Variants in TET2 observed in about 807,000 individuals in gnomAD.
TET2 encodes methylcytosine dioxygenase TET2.
In TET2, 299 loss-of-function variants were observed where a neutral mutation model predicts 142.9. The observed-to-expected ratio is 2.09, with a 90% CI of 1.90 to 2.30. The LOEUF (loss-of-function observed/expected upper bound fraction) is 2.30. TET2 is among the 30% of genes most tolerant of loss of function. The pLI, the probability that TET2 is intolerant of heterozygous loss-of-function variation, is 0.00. For missense variants in TET2, 2,418 were observed against 2,378.0 expected (o/e 1.02, Z -0.35); for synonymous variants, 819 against 849.0 (o/e 0.96, Z 0.61).
chr4:105,254,727 T>C (rs1309404091), intron 6 of TET2, among the ~76,000 whole-genome samples: 2 of 152,174 alleles, frequency 1.3e-5, no homozygotes, highest in Non-Finnish European at 2.9e-5. Context: ...GGCAGAACTT[T>C]TTAGGAACAA....
At chr4:105,166,505 A>G (rs1279073083) in intron 1 of TET2, among the ~76,000 whole-genome samples, 1 of 151,700 alleles carries the variant, frequency 6.6e-6, no homozygotes, top group Admixed American at 6.6e-5. Flanking sequence ...GTTCTAATTT[A>G]GAGTTTCTTC....
intron 2 of TET2, among the ~76,000 whole-genome samples, chr4:105,195,082 C>T (rs1256474962): frequency 6.6e-6 from 1 of 152,134 alleles, no homozygotes; most frequent in Non-Finnish European, 1.5e-5. Context: ...TGCATATCCA[C>T]ATATGATGTG....
intron 9 of TET2, among the ~76,000 whole-genome samples, 185 bp from the exon 10 acceptor site, chr4:105,272,379 A>C (rs565115548): frequency 1.3e-5 from 2 of 152,212 alleles, no homozygotes; most frequent in East Asian, 3.9e-4. Context: ...ATCTCCCTGT[A>C]CCATTTTGTT....
At chr4:105,154,485 G>A (rs976924807) in intron 1 of TET2, among the ~76,000 whole-genome samples, 4 of 152,178 alleles carry the variant, frequency 2.6e-5, no homozygotes, top group African/African-American at 4.8e-5. Flanking sequence ...AGGCCAAGGC[G>A]GGAGACCAGA....
Position 105,259,708 on chromosome 4 carries a change from G to C in TET2, c.3893G>C (p.Cys1298Ser). The C allele has an allele frequency of 6.4e-7, 1 of 1,551,130 alleles. No individual in the cohort carries two copies. The highest frequency in any genetic ancestry group is 8.7e-7 in the Non-Finnish European group (1 of 1,146,586). Residue 1298 changes from cysteine to serine, a missense_variant, in exon 7 of 11, where the codon TGT (cysteine) becomes TCT (serine). Cys to Ser is a moderately radical substitution (Grantham distance 112). Coordinates refer to ENST00000380013, the MANE Select transcript of TET2 (RefSeq NM_001127208.3). ...TCATGGAGCATGTACTACAATGGATGTAAGTTTGCCAGAAGCAAGATCCCA... is the reference window on the plus strand; with the variant it reads ...TCATGGAGCATGTACTACAATGGATCTAAGTTTGCCAGAAGCAAGATCCCA... ...GCSWSMYYNGCKFARSKIPRK... is the reference protein window; with the variant it reads ...GCSWSMYYNGSKFARSKIPRK...
intron 1 of TET2, among the ~76,000 whole-genome samples, chr4:105,175,719 G>A (rs527892317): frequency 2.6e-5 from 4 of 152,054 alleles, no homozygotes; most frequent in Non-Finnish European, 5.9e-5. Flanking sequence ...TCTCCAGAGA[G>A]CTCAAAGAAC....
Position 105,236,082 on chromosome 4 carries a change from T to A in TET2, c.2140T>A (p.Ser714Thr). Residue 714 changes from serine (S) to threonine (T), a missense_variant, in exon 3 of 11, where the codon TCA becomes ACA. Physicochemically the swap from Ser to Thr is moderately conservative, Grantham distance 58 (BLOSUM62 1). Coordinates refer to ENST00000380013, the MANE Select transcript of TET2 (RefSeq NM_001127208.3). ...ACAGGCTTCAGAGACTGAGCCATTTTCAAACTCACACCTTTTGCAACATAA... is the reference window on the plus strand; with the variant it reads ...ACAGGCTTCAGAGACTGAGCCATTTACAAACTCACACCTTTTGCAACATAA... ...NQQASETEPFSNSHLLQHKPH... is the reference protein window; with the variant it reads ...NQQASETEPFTNSHLLQHKPH... 1.9e-6 allele frequency: 3 copies of A among 1,614,184 alleles called. No homozygotes were observed. The highest frequency in any genetic ancestry group is 2.5e-6 in the Non-Finnish European group (3 of 1,180,024).
chr4:105,248,995 CTTTTTCTTTTTTTT>C (rs1560556999), intron 6 of TET2, among the ~76,000 whole-genome samples: 1 of 134,622 alleles, frequency 7.4e-6, no homozygotes, highest in East Asian at 2.2e-4. Context: ...TACCTTTTTT[CTTTTTCTTTTTTTT>C]TTTTTTGTCC....
rs1249509691 is a variant in TET2, at chr4:105,237,307, C to A, written c.3365C>A (p.Thr1122Lys). ...ACTCCTATAAAAAATTTATTGGATA[C>A]ACCTGTCAAGACTCAATATGATTTC... ...LDTPIKNLLD[T>K]PVKTQYDFPS... Residue 1122 changes from threonine to lysine, a missense_variant, in exon 3 of 11, where the codon ACA (threonine) becomes AAA (lysine). Thr to Lys is a moderately conservative substitution (Grantham distance 78). Coordinates refer to ENST00000380013, the MANE Select transcript of TET2 (RefSeq NM_001127208.3). 10 of 1,614,102 alleles carry A rather than the reference C, an allele frequency of 6.2e-6. No homozygotes were observed. The highest frequency in any genetic ancestry group is 1.1e-5 in the South Asian group (1 of 91,086).
At chr4:105,153,920 G>A (rs796378542) in intron 1 of TET2, among the ~76,000 whole-genome samples, 9 of 152,292 alleles carry the variant, frequency 5.9e-5, no homozygotes, top group African/African-American at 2.2e-4. Flanking sequence ...TGTCTATCAT[G>A]TCATGAGTGA....
In TET2 at chr4:105,234,812, A is replaced by T; in HGVS notation, c.870A>T (p.Ala290=). Residue 290 remains alanine, a synonymous_variant, in exon 3 of 11, where the codon GCA becomes GCT. Coordinates refer to ENST00000380013, the MANE Select transcript of TET2 (RefSeq NM_001127208.3). Reference sequence around the variant, plus strand: ...CTGAGCTGCCTCCAAAGCCAGCTGCAGTGGTGAGTGAGGCCTGTGATGCTG... The same window carrying T: ...CTGAGCTGCCTCCAAAGCCAGCTGCTGTGGTGAGTGAGGCCTGTGATGCTG... ...SNSELPPKPA[A]VVSEACDADD... 6.2e-7 allele frequency: 1 copy of T among 1,613,972 alleles called. No homozygotes were observed. Among genetic ancestry groups the T allele is most frequent in the Non-Finnish European group, 8.5e-7 (1 of 1,179,968 alleles).
chr4:105,163,854 A>AGTGTGTGTGTGT (rs111673454), intron 1 of TET2, among the ~76,000 whole-genome samples: 6 of 85,166 alleles, frequency 7.0e-5, no homozygotes, highest in South Asian at 4.7e-4. Flanking sequence ...AGAGAGAGAG[A>AGTGTGTGTGTGT]GTGTGTGTGT....
At position 105,236,157 on chromosome 4, in the gene TET2, C is replaced by T. The variant is rs1728879420; in HGVS notation, c.2215C>T (p.Pro739Ser). ...ACAACCATCCCAGAGTTCACATCTCCCTCAAAACCAGCAACAGCAGCAAAA... is the reference window on the plus strand; with the variant it reads ...ACAACCATCCCAGAGTTCACATCTCTCTCAAAACCAGCAACAGCAGCAAAA... ...QTQPSQSSHL[P>S]QNQQQQQKLQ... Residue 739 changes from proline to serine, a missense_variant, in exon 3 of 11, where the codon CCT becomes TCT. Pro to Ser is a moderately conservative substitution (Grantham distance 74). Transcript: ENST00000380013. 6.2e-7 allele frequency: 1 copy of T among 1,614,046 alleles called. No homozygotes were observed. The highest frequency in any genetic ancestry group is 8.5e-7 in the Non-Finnish European group (1 of 1,180,012).
At chr4:105,201,732 C>A (rs559000046) in intron 2 of TET2, among the ~76,000 whole-genome samples, 14 of 63,050 alleles carry the variant, frequency 2.2e-4, no homozygotes, top group Admixed American at 7.4e-4. Context: ...CATCCAGGAC[C>A]TTTTTTTTTT....
intron 1 of TET2, among the ~76,000 whole-genome samples, chr4:105,162,726 T>C (rs996620919): frequency 5.3e-5 from 8 of 152,222 alleles, no homozygotes; most frequent in African/African-American, 1.7e-4. Context: ...TTTCTTTTTT[T>C]TAAGTGTTTA....
chr4:105,263,275 A>G (rs1351331008), intron 8 of TET2, among the ~76,000 whole-genome samples: 8 of 152,192 alleles, frequency 5.3e-5, no homozygotes, highest in Non-Finnish European at 1.5e-5. Flanking sequence ...TGGGGATGGA[A>G]GGGTAAAGTG....
At chr4:105,242,546 T>C in intron 4 of TET2, 3 of 1,167,716 alleles carry the variant, frequency 2.6e-6, no homozygotes, top group Non-Finnish European at 3.2e-6. Flanking sequence ...ACCTGAATTT[T>C]GTGCTTTGTG....
intron 1 of TET2, among the ~76,000 whole-genome samples, chr4:105,153,215 C>T (rs1723398431): frequency 1.3e-5 from 2 of 152,178 alleles, no homozygotes; most frequent in African/African-American, 2.4e-5. Context: ...TATCATATCA[C>T]ATCACATGCA....
At chr4:105,180,336 A>G (rs1463507064) in intron 1 of TET2, among the ~76,000 whole-genome samples, 2 of 152,194 alleles carry the variant, frequency 1.3e-5, no homozygotes, top group African/African-American at 4.8e-5. Context: ...GTCTAAAAAT[A>G]CTTCCTCATA....
Sources: allele counts gnomAD v4.1 joint callset (sites outside exome capture counted in the v4.1 genomes callset), GRCh38; gene constraint gnomAD v4.1.1; transcripts MANE v1.5; gene names NCBI Gene and HGNC (gene_info 2026-07-23, HGNC 2026-07-21).